The following AUTS2 variants were observed in gnomAD, a reference collection of about 807,000 sequenced individuals.
AUTS2 encodes activator of transcription and developmental regulator AUTS2.
In AUTS2, 17 loss-of-function variants were observed where a neutral mutation model predicts 112.4. The ratio of observed to expected loss-of-function variants is 0.15; its 90% confidence interval spans 0.10 to 0.23. The LOEUF is 0.23. Ranked by LOEUF, AUTS2 falls within the 10% of genes least tolerant of loss-of-function variation. The probability of loss-of-function intolerance (pLI) is 1.00; values close to 1 mark genes in which losing one functional copy is unlikely to be tolerated. For missense variants in AUTS2, 1,510 were observed against 1,701.6 expected (o/e 0.89, Z 1.98); for synonymous variants, 751 against 702.7 (o/e 1.07, Z -1.09).
rs1175579582 is a variant in AUTS2 at position 70,793,375 on chromosome 7, C to T, written c.*2379C>T. 6.6e-6 allele frequency: 1 copy of T among 151,940 alleles called. No homozygotes were observed. Among genetic ancestry groups the T allele is most frequent in the Non-Finnish European group, 1.5e-5 (1 of 68,012 alleles). 9.4% of individuals were successfully genotyped at this position (151,940 alleles called of 1,614,324 possible). On this transcript the variant is annotated 3_prime_UTR_variant, in exon 19 of 19. Coordinates refer to ENST00000342771, the MANE Select transcript of AUTS2 (RefSeq NM_015570.4). The stretch of plus-strand genomic sequence containing the variant: ...TCCAGATTTTTTTTTCCTGTCTTAG[C>T]TTTTTCTCTCTTTTAATTACGTGGT...
chr7:69,832,052 C>T (rs1261805011), intron 1 of AUTS2, among the ~76,000 whole-genome samples: 1 of 152,118 alleles, frequency 6.6e-6, no homozygotes, highest in African/African-American at 2.4e-5. Context: ...ATGGTAATCC[C>T]TAAGGCAGCC....
intron 5 of AUTS2, among the ~76,000 whole-genome samples, chr7:70,668,771 T>G (rs542360028): frequency 1.3e-5 from 2 of 152,230 alleles, no homozygotes; most frequent in Admixed American, 1.3e-4. Flanking sequence ...GTGTTAAAAG[T>G]GGAGGGGAAT....
At chr7:70,685,327 G>C (rs529174849) in intron 5 of AUTS2, among the ~76,000 whole-genome samples, 1 of 151,926 alleles carries the variant, frequency 6.6e-6, no homozygotes, top group Admixed American at 6.6e-5. Flanking sequence ...ACAAAAATTA[G>C]CCAGGCATGG....
chr7:69,663,839 T>G (rs559772314), intron 1 of AUTS2, among the ~76,000 whole-genome samples: 5 of 152,288 alleles, frequency 3.3e-5, no homozygotes, highest in Admixed American at 1.3e-4. Context: ...AAAAAGGTAA[T>G]TTTGCATGTA....
chr7:69,776,210 C>T (rs754754946), intron 1 of AUTS2, among the ~76,000 whole-genome samples: 3 of 152,150 alleles, frequency 2.0e-5, no homozygotes, highest in Non-Finnish European at 2.9e-5. Context: ...TATTAGGAAT[C>T]GTCAGCCTGC....
In AUTS2 at chr7:70,763,354, C is replaced by G. The variant is rs1349002265; in HGVS notation, c.1214+13C>G. ...TCAACAGTTTAAGGTGAGTGGCCTG[C>G]TCTTCTTTGGCCTGACTTTTGCCCT... On this transcript the variant is annotated intron_variant, in intron 7 of 18. Transcript: ENST00000342771. The G allele has an allele frequency of 1.3e-6, 2 of 1,531,102 alleles. No homozygotes were observed. The highest frequency in any genetic ancestry group is 1.8e-6 in the Non-Finnish European group (2 of 1,135,704). 94.8% of individuals were successfully genotyped at this position (1,531,102 alleles called of 1,614,324 possible).
intron 1 of AUTS2, among the ~76,000 whole-genome samples, chr7:69,830,278 T>C (rs748661166): frequency 1.7e-4 from 26 of 152,060 alleles, no homozygotes; most frequent in Non-Finnish European, 3.7e-4. Flanking sequence ...AAATAGCTAA[T>C]GCATGCAGGG....
Position 70,074,003 on chromosome 7 carries a change from G to A in AUTS2, c.523-44129G>A, listed in dbSNP as rs547773897. On this transcript the variant is annotated intron_variant, in intron 2 of 18. Coordinates refer to ENST00000342771, the MANE Select transcript of AUTS2 (RefSeq NM_015570.4). ...AATAATTTACACCTAATTAGATTTTGTCAACTGAATAATTCTGTCTCATGT... is the reference window on the plus strand; with the variant it reads ...AATAATTTACACCTAATTAGATTTTATCAACTGAATAATTCTGTCTCATGT... 3.9e-5 allele frequency among the ~76,000 whole-genome samples: 6 copies of A among 152,256 alleles called. No homozygotes were observed. The South Asian group carries it at 8.3e-4, about 21-fold the overall frequency.
intron 5 of AUTS2, among the ~76,000 whole-genome samples, chr7:70,646,756 C>T (rs924920404): frequency 2.0e-5 from 3 of 152,234 alleles, no homozygotes; most frequent in African/African-American, 7.2e-5. Flanking sequence ...CCATGCAAGG[C>T]GGCTGCTCAA....
At chr7:70,749,677 G>T (rs1319396436) in intron 6 of AUTS2, among the ~76,000 whole-genome samples, 1 of 152,202 alleles carries the variant, frequency 6.6e-6, no homozygotes, top group Non-Finnish European at 1.5e-5. Context: ...GGGGTTGGCA[G>T]CACCCAGGTC....
chr7:70,577,808 GT>G (rs34323784), intron 5 of AUTS2, among the ~76,000 whole-genome samples: 107,470 of 151,078 alleles, frequency 0.71, 38,792 homozygotes, highest in East Asian at 0.79. Context: ...GTTTTATTGG[GT>G]TTTTTTTTAA....
chr7:70,611,305 G>GC (rs1485895492), intron 5 of AUTS2, among the ~76,000 whole-genome samples: 1 of 152,188 alleles, frequency 6.6e-6, no homozygotes, highest in African/African-American at 2.4e-5. Context: ...AGAGTCAAGG[G>GC]CATGCCCCCT....
chr7:69,941,272 G>T (rs1016868931), intron 2 of AUTS2, among the ~76,000 whole-genome samples: 2 of 141,350 alleles, frequency 1.4e-5, no homozygotes, highest in African/African-American at 4.9e-5. Flanking sequence ...GCACAACAGT[G>T]GGAGGGACGG....
intron 4 of AUTS2, among the ~76,000 whole-genome samples, chr7:70,304,750 T>C (rs975135198): frequency 4.2e-5 from 6 of 144,072 alleles, no homozygotes; most frequent in African/African-American, 1.6e-4. Flanking sequence ...GGAAATGCTC[T>C]GGTGAACATT....
At chr7:70,090,397 T>C (rs1384700770) in intron 2 of AUTS2, among the ~76,000 whole-genome samples, 1 of 152,104 alleles carries the variant, frequency 6.6e-6, no homozygotes, top group Non-Finnish European at 1.5e-5. Flanking sequence ...GAAGTCTTGC[T>C]CTGTCACCCA....
chr7:69,891,774 C>CTTTTTTTTTTTTTTTTTTTTTTTTTTTTT lies in AUTS2; in HGVS notation c.310-7503_310-7475dup, dbSNP rs763424098. Among the ~76,000 whole-genome samples the CTTTTTTTTTTTTTTTTTTTTTTTTTTTTT allele has an allele frequency of 2.6e-4, 7 of 26,736 alleles. 3 individuals are homozygous for CTTTTTTTTTTTTTTTTTTTTTTTTTTTTT. Among genetic ancestry groups the CTTTTTTTTTTTTTTTTTTTTTTTTTTTTT allele is most frequent in the African/African-American group, 3.2e-4 (3 of 9,286 alleles). The allele number at this position is 26,736 out of a possible 152,430, so 17.5% of individuals were successfully genotyped here. A position where few individuals can be genotyped will look rare whatever the true frequency, so the allele number is the denominator to read the frequency against. On this transcript the variant is annotated intron_variant, in intron 1 of 18. Coordinates refer to ENST00000342771, the MANE Select transcript of AUTS2 (RefSeq NM_015570.4). ...ATTCATTCACTTTCCAGACAGATAT[C>CTTTTTTTTTTTTTTTTTTTTTTTTTTTTT]TTTTTTTTTTTTTTTTTTTTTTTTT...
chr7:70,184,750 G>A (rs1263081337), intron 4 of AUTS2, among the ~76,000 whole-genome samples: 1 of 152,044 alleles, frequency 6.6e-6, no homozygotes, highest in African/African-American at 2.4e-5. Context: ...GACAAGAGAC[G>A]CCAGCCTTCT....
At chr7:70,229,551 C>G (rs769669350) in intron 4 of AUTS2, among the ~76,000 whole-genome samples, 145 of 151,418 alleles carry the variant, frequency 9.6e-4, no homozygotes, top group Non-Finnish European at 1.7e-3. Flanking sequence ...ATGTGGATCT[C>G]TTTGTGTTTA....
intron 1 of AUTS2, among the ~76,000 whole-genome samples, chr7:69,687,259 A>G (rs1163002909): frequency 2.6e-5 from 4 of 152,264 alleles, no homozygotes; most frequent in Non-Finnish European, 5.9e-5. Flanking sequence ...AAAAGCAGGA[A>G]TAGCAGCAAT....
Sources: gnomAD v4.1 joint callset for allele counts (sites outside exome capture counted in the v4.1 genomes callset) on GRCh38, gnomAD v4.1.1 for gene constraint, MANE v1.5 for transcripts, NCBI Gene and HGNC (gene_info 2026-07-23, HGNC 2026-07-21) for gene names.